Variants in DIAPH2 observed in about 807,000 individuals in gnomAD.
DIAPH2 encodes diaphanous related formin 2.
Under a neutral mutation model 92.7 loss-of-function variants are expected in DIAPH2, and 35 were observed. The observed-to-expected ratio is 0.38, with a 90% confidence interval of 0.29 to 0.50. The LOEUF is 0.50. Among genes scored for constraint, DIAPH2 ranks in the 20% least tolerant of loss-of-function variants. The pLI, the probability that DIAPH2 is intolerant of heterozygous loss-of-function variation, is 0.94. For missense variants in DIAPH2, 701 were observed against 819.5 expected (o/e 0.86, Z 1.77); for synonymous variants, 301 against 280.4 (o/e 1.07, Z -0.73).
intron 22 of DIAPH2, among the ~76,000 whole-genome samples, chrX:97,227,632 C>G (rs760355381): frequency 9.0e-6 from 1 of 111,612 alleles, no homozygotes; most frequent in Non-Finnish European, 1.9e-5. Context: ...TAGTTTATTC[C>G]AAGTCTTACA....
intron 21 of DIAPH2, among the ~76,000 whole-genome samples, chrX:97,136,971 C>T (rs2067174415): frequency 9.2e-6 from 1 of 109,101 alleles, no homozygotes; most frequent in East Asian, 2.9e-4. Flanking sequence ...GTATTTTCTA[C>T]TAAATTCTAA....
intron 4 of DIAPH2, among the ~76,000 whole-genome samples, chrX:96,787,827 A>C (rs1460203611): frequency 9.7e-6 from 1 of 103,367 alleles, no homozygotes; most frequent in Non-Finnish European, 2.0e-5. Context: ...AGTAGCTGGG[A>C]TTATAGGCAC....
At chrX:97,574,670 G>T (rs1031592972) in intron 26 of DIAPH2, among the ~76,000 whole-genome samples, 6 of 111,974 alleles carry the variant, frequency 5.4e-5, no homozygotes, top group African/African-American at 1.9e-4. Context: ...TATATTCAAG[G>T]AAGAGCCAAC....
chrX:97,318,447 C>G (rs932667094), intron 23 of DIAPH2, among the ~76,000 whole-genome samples: 6 of 90,261 alleles, frequency 6.6e-5, no homozygotes, highest in African/African-American at 2.5e-4. Context: ...GCCCACTGGT[C>G]TATTCTTGAT....
chrX:96,909,488 G>A (rs2065456110), intron 5 of DIAPH2, among the ~76,000 whole-genome samples: 1 of 111,031 alleles, frequency 9.0e-6, no homozygotes, highest in Admixed American at 9.6e-5. Flanking sequence ...AGAAATGGTG[G>A]TGCTGGCAAG....
chrX:97,184,418 T>C (rs1006311426), intron 22 of DIAPH2, among the ~76,000 whole-genome samples: 2 of 112,297 alleles, frequency 1.8e-5, no homozygotes, highest in Non-Finnish European at 3.8e-5. Context: ...CAGATATATA[T>C]GCATCCCCCA....
chrX:96,819,529 G>A (rs1310664880), intron 4 of DIAPH2, among the ~76,000 whole-genome samples: 2 of 111,770 alleles, frequency 1.8e-5, no homozygotes, highest in Admixed American at 1.9e-4. Context: ...TTTTTGCAGG[G>A]CATTTGATAG....
At chrX:96,738,386 A>G (rs2064100092) in intron 2 of DIAPH2, among the ~76,000 whole-genome samples, 200 bp from the exon 3 acceptor site, 1 of 111,280 alleles carries the variant, frequency 9.0e-6, no homozygotes, top group Non-Finnish European at 1.9e-5. Flanking sequence ...TTTCACCCCC[A>G]GAGTTCTGAG....
chrX:96,869,801 C>T (rs2065128343), intron 4 of DIAPH2, among the ~76,000 whole-genome samples: 2 of 110,494 alleles, frequency 1.8e-5, no homozygotes, highest in Non-Finnish European at 1.9e-5. Context: ...TTATTATATA[C>T]CAGACCTTAT....
chrX:96,957,899 G>T lies in DIAPH2; in HGVS notation c.1686G>T (p.Pro562=), dbSNP rs761188829. Residue 562 remains proline (P), a synonymous_variant, in exon 16 of 27, where the codon CCG becomes CCT. Transcript: ENST00000324765. ...CACCTCCATTGCCAGGTGTAGGGCCGCCTCCACCACCACCCGCGCCACCTC... is the reference window on the plus strand; with the variant it reads ...CACCTCCATTGCCAGGTGTAGGGCCTCCTCCACCACCACCCGCGCCACCTC... The part of the protein sequence containing the change: ...PAAPPLPGVG[P]PPPPPAPPLP... 12 of 1,207,977 alleles carry T rather than the reference G, an allele frequency of 9.9e-6. No homozygotes were observed. The Admixed American group carries it at 2.4e-4, about 24-fold the overall frequency.
chrX:97,253,857 T>C (rs770043555), intron 23 of DIAPH2, among the ~76,000 whole-genome samples: 1 of 112,404 alleles, frequency 8.9e-6, no homozygotes, highest in South Asian at 3.7e-4. Context: ...GCCAATTTTA[T>C]TCAGCAACTA....
Position 96,958,152 on chromosome X carries a change from A to G in DIAPH2, c.1935+4A>G, listed in dbSNP as rs761421496. On this transcript the variant is annotated splice_donor_region_variant and intron_variant, in intron 16 of 26. Coordinates refer to ENST00000324765, the MANE Select transcript of DIAPH2 (RefSeq NM_006729.5). ...GAAGAGAATCAATTGGTCAAAGGTAATACTAAAACTAGAGTTTTTTTACTT... is the reference window on the plus strand; with the variant it reads ...GAAGAGAATCAATTGGTCAAAGGTAGTACTAAAACTAGAGTTTTTTTACTT... The G allele has an allele frequency of 1.3e-5, 16 of 1,197,557 alleles. No homozygotes were observed. In the Admixed American group the frequency reaches 3.6e-4, roughly 27 times the overall value.
intron 22 of DIAPH2, among the ~76,000 whole-genome samples, chrX:97,181,993 C>A (rs144147833): frequency 8.9e-6 from 1 of 111,914 alleles, no homozygotes; most frequent in East Asian, 2.8e-4. Context: ...TATCCTCTCA[C>A]TATTTGCTGT....
chrX:97,421,793 T>G (rs2070011265), intron 25 of DIAPH2, among the ~76,000 whole-genome samples: 1 of 111,408 alleles, frequency 9.0e-6, no homozygotes, highest in Non-Finnish European at 1.9e-5. Context: ...AGTGGGTTTT[T>G]AGAGTCCACT....
At chrX:97,278,877 G>C (rs1462019767) in intron 23 of DIAPH2, among the ~76,000 whole-genome samples, 1 of 112,321 alleles carries the variant, frequency 8.9e-6, no homozygotes, top group Admixed American at 9.5e-5. Flanking sequence ...AAGGATGCGA[G>C]ACAGGCAGGC....
At chrX:97,027,187 C>T (rs981411550) in intron 17 of DIAPH2, among the ~76,000 whole-genome samples, 15 of 111,719 alleles carry the variant, frequency 1.3e-4, no homozygotes, top group African/African-American at 4.6e-4. Flanking sequence ...AATTATGTGC[C>T]GAAGTAAATT....
In DIAPH2 at chrX:96,718,936, C is replaced by T. The variant is rs2063972395; in HGVS notation, c.133-16822C>T. 2.7e-5 allele frequency among the ~76,000 whole-genome samples: 3 copies of T among 111,330 alleles called. No homozygotes were observed. The South Asian group carries it at 1.2e-3, about 43-fold the overall frequency. ...GAATCCCTCTTTTCCACATCCTTGC[C>T]AGCATTTGTTATTGCCTGTCTTTTG... On this transcript the variant is annotated intron_variant, in intron 1 of 26. Coordinates refer to ENST00000324765, the MANE Select transcript of DIAPH2 (RefSeq NM_006729.5).
chrX:96,927,282 A>ATTTTTTTTTTTT (rs5903060), intron 9 of DIAPH2, among the ~76,000 whole-genome samples: 1 of 82,152 alleles, frequency 1.2e-5, no homozygotes, highest in Non-Finnish European at 2.4e-5. Context: ...CTGGAGTTGA[A>ATTTTTTTTTTTT]TTTTTTTTTT....
At chrX:96,977,022 CAA>C (rs2065966325) in intron 17 of DIAPH2, among the ~76,000 whole-genome samples, 1 of 110,964 alleles carries the variant, frequency 9.0e-6, no homozygotes, top group Non-Finnish European at 1.9e-5. Context: ...GATTTGAGCC[CAA>C]GTTTGTTCTT....
Sources: allele counts gnomAD v4.1 joint callset (sites outside exome capture counted in the v4.1 genomes callset), GRCh38; gene constraint gnomAD v4.1.1; transcripts MANE v1.5; gene names NCBI Gene and HGNC (gene_info 2026-07-23, HGNC 2026-07-21).